Variants in CD72 observed in about 807,000 individuals in gnomAD.
CD72 encodes the protein CD72 molecule.
In CD72, 28 loss-of-function variants were observed where a neutral mutation model predicts 50.7. That is an observed-to-expected ratio of 0.55 (90% CI 0.41 to 0.76). The LOEUF (loss-of-function observed/expected upper bound fraction) is 0.76. Among genes scored for constraint, CD72 ranks in the 30% least tolerant of loss-of-function variants. The pLI is 0.00. For missense variants in CD72, 403 were observed against 420.6 expected (o/e 0.96, Z 0.37); for synonymous variants, 176 against 171.2 (o/e 1.03, Z -0.22).
Position 35,611,886 on chromosome 9 carries a change from T to C in CD72, c.868A>G (p.Asn290Asp). 6.2e-7 allele frequency: 1 copy of C among 1,609,948 alleles called. No homozygotes were observed. Among genetic ancestry groups the C allele is most frequent in the Non-Finnish European group, 8.5e-7 (1 of 1,176,194 alleles). Residue 290 changes from asparagine (N) to aspartate (D), a missense_variant, in exon 7 of 9, where the codon AAT becomes GAT. Physicochemically the swap from Asn to Asp is conservative, Grantham distance 23 (BLOSUM62 1). Coordinates refer to ENST00000259633, the MANE Select transcript of CD72 (RefSeq NM_001782.3). ...SYYFLNSLLP[N>D]GGSGNSYWTG... Reference sequence around the variant, plus strand: ...CAATATGAATTCCCTGAACCACCATTTGGCAACAGTGAATTTAAGAAGTAG... The same window carrying C: ...CAATATGAATTCCCTGAACCACCATCTGGCAACAGTGAATTTAAGAAGTAG...
intron 1 of CD72, among the ~76,000 whole-genome samples, chr9:35,631,060 T>C (rs1289716833): frequency 6.6e-6 from 1 of 152,232 alleles, no homozygotes; most frequent in African/African-American, 2.4e-5. Context: ...TATCTATATA[T>C]TATCCTAAGA....
intron 1 of CD72, among the ~76,000 whole-genome samples, chr9:35,631,722 G>A (rs1159545335): frequency 2.6e-5 from 4 of 151,990 alleles, no homozygotes; most frequent in African/African-American, 9.7e-5. Flanking sequence ...GTGAAACCCC[G>A]TCTCTACTAA....
At chr9:35,620,640 G>A (rs2131773680), upstream of CD72, among the ~76,000 whole-genome samples, 1 of 152,284 alleles carries the variant, frequency 6.6e-6, no homozygotes, top group South Asian at 2.1e-4. Context: ...AGACTAGCCT[G>A]GCAAACATGG....
upstream of CD72, among the ~76,000 whole-genome samples, chr9:35,623,119 T>A (rs896726834): frequency 6.6e-6 from 1 of 151,660 alleles, no homozygotes; most frequent in African/African-American, 2.4e-5. Flanking sequence ...AATAAATGAA[T>A]CAAAATTAAA....
upstream of CD72, among the ~76,000 whole-genome samples, chr9:35,622,319 T>A (rs1350833747): frequency 6.6e-6 from 1 of 152,132 alleles, no homozygotes; most frequent in African/African-American, 2.4e-5. Flanking sequence ...TACAGATAGG[T>A]CTTCGGTGAC....
chr9:35,634,709 C>T (rs1823274149), intron 1 of CD72, among the ~76,000 whole-genome samples: 1 of 152,128 alleles, frequency 6.6e-6, no homozygotes, highest in Admixed American at 6.6e-5. Flanking sequence ...TTTTCCTCCC[C>T]ACCTCTCCCT....
intron 1 of CD72, among the ~76,000 whole-genome samples, chr9:35,624,711 C>A (rs1823179701): frequency 6.6e-6 from 1 of 152,190 alleles, no homozygotes; most frequent in African/African-American, 2.4e-5. Context: ...CTGTGGCAAG[C>A]AAGTCTACTG....
chr9:35,631,710 C>A (rs1338549969), intron 1 of CD72, among the ~76,000 whole-genome samples: 2 of 152,088 alleles, frequency 1.3e-5, no homozygotes, highest in African/African-American at 4.8e-5. Context: ...CTGGCTAACA[C>A]GGTGAAACCC....
At chr9:35,610,817 C>T in intron 7 of CD72, 64 bp from the exon 8 acceptor site, 1 of 1,390,380 alleles carries the variant, frequency 7.2e-7, no homozygotes, top group Non-Finnish European at 1.0e-6. Flanking sequence ...CTTCTCTCCC[C>T]TTCCCCTGTA....
rs1482295204 is a variant in CD72 at position 35,646,544 on chromosome 9, G to A, written n.267C>T. On this transcript the variant is annotated non_coding_transcript_exon_variant, in exon 1 of 4. Transcript: ENST00000465754. ...GGAAACTGCCCAGTCCTTGTGTTCA[G>A]GGCTGAGGGCCTCGGTGACGGAGAC... is the stretch of plus-strand genomic sequence containing the variant. 3 of 152,320 alleles carry A rather than the reference G, an allele frequency of 2.0e-5. No homozygotes were observed. In the East Asian group the frequency reaches 5.8e-4, roughly 29 times the overall value. 9.4% of individuals were successfully genotyped at this position (152,320 alleles called of 1,614,324 possible).
intron 1 of CD72, among the ~76,000 whole-genome samples, chr9:35,632,440 G>C (rs1022357279): frequency 6.6e-6 from 1 of 152,080 alleles, no homozygotes; most frequent in African/African-American, 2.4e-5. Context: ...AAAGTGCTGG[G>C]ATTACAGGCT....
At chr9:35,640,339 G>A (rs1823326936) in intron 1 of CD72, among the ~76,000 whole-genome samples, 1 of 152,186 alleles carries the variant, frequency 6.6e-6, no homozygotes, top group Non-Finnish European at 1.5e-5. Flanking sequence ...GAGCTCCCAA[G>A]ATGGTGGTGA....
intron 6 of CD72, 145 bp from the exon 7 acceptor site, chr9:35,612,064 G>T: frequency 1.7e-6 from 1 of 596,978 alleles, no homozygotes. Context: ...AATCCATCAA[G>T]TGCCACCCTG....
At chr9:35,634,633 G>A (rs1470222193) in intron 1 of CD72, among the ~76,000 whole-genome samples, 1 of 152,164 alleles carries the variant, frequency 6.6e-6, no homozygotes. Context: ...GATTACAGGC[G>A]TGAGCCACCG....
chr9:35,627,504 C>T (rs978862011), intron 1 of CD72, among the ~76,000 whole-genome samples: 1 of 152,104 alleles, frequency 6.6e-6, no homozygotes, highest in Admixed American at 6.6e-5. Context: ...AACCTGAACC[C>T]ACAATATCTC....
At chr9:35,628,761 C>A (rs1823218524) in intron 1 of CD72, among the ~76,000 whole-genome samples, 1 of 152,254 alleles carries the variant, frequency 6.6e-6, no homozygotes, top group South Asian at 2.1e-4. Context: ...CACCAGCCAC[C>A]TCACCCTGGG....
intron 1 of CD72, among the ~76,000 whole-genome samples, chr9:35,632,331 C>T (rs529463053): frequency 2.0e-5 from 3 of 151,780 alleles, no homozygotes; most frequent in South Asian, 2.1e-4. Context: ...CCCACCACCA[C>T]GCCTAATTTT....
intron 4 of CD72, 23 bp from the exon 5 acceptor site, chr9:35,616,301 T>G (rs769830289): frequency 2.4e-5 from 38 of 1,586,804 alleles, no homozygotes; most frequent in Non-Finnish European, 3.0e-5. Flanking sequence ...AGAGATTTGG[T>G]GGATGTCTTC....
chr9:35,626,162 C>T (rs948492169), intron 1 of CD72, among the ~76,000 whole-genome samples: 2 of 151,082 alleles, frequency 1.3e-5, no homozygotes, highest in African/African-American at 2.4e-5. Flanking sequence ...AAAACATTCA[C>T]GACTCATGGG....
Sources: allele counts gnomAD v4.1 joint callset (sites outside exome capture counted in the v4.1 genomes callset), GRCh38; gene constraint gnomAD v4.1.1; transcripts MANE v1.5; gene names NCBI Gene and HGNC (gene_info 2026-07-23, HGNC 2026-07-21).